Variants in CAMTA1 observed in about 807,000 individuals in gnomAD.
CAMTA1 encodes calmodulin binding transcription activator 1, also known as calmodulin-binding transcription activator 1.
CAMTA1 carries 27 observed loss-of-function variants against 170.9 expected under a neutral mutation model. The ratio of observed to expected loss-of-function variants is 0.16; its 90% CI spans 0.12 to 0.22. CAMTA1 has a LOEUF of 0.22. Ranked by LOEUF, CAMTA1 falls within the 10% of genes least tolerant of loss-of-function variation. The pLI is 1.00. For synonymous variants in CAMTA1, 833 were observed against 891.5 expected, an observed-to-expected ratio of 0.93 and a Z score of 1.17; for missense variants, 1,619 against 2,217.2, an observed-to-expected ratio of 0.73 and a Z score of 5.42.
intron 1 of CAMTA1, among the ~76,000 whole-genome samples, chr1:6,786,523 C>T (rs1366766568): frequency 6.6e-6 from 1 of 152,208 alleles, no homozygotes; most frequent in Admixed American, 6.5e-5. Context: ...CAAGGGGACT[C>T]AGGCTGCCCA....
At chr1:6,977,070 T>C (rs1693568323) in intron 3 of CAMTA1, among the ~76,000 whole-genome samples, 1 of 152,214 alleles carries the variant, frequency 6.6e-6, no homozygotes, top group African/African-American at 2.4e-5. Flanking sequence ...CCTTTATAAA[T>C]TATCCAGTCT....
intron 3 of CAMTA1, among the ~76,000 whole-genome samples, chr1:7,070,010 G>C (rs1299342942): frequency 6.6e-6 from 1 of 152,186 alleles, no homozygotes; most frequent in Non-Finnish European, 1.5e-5. Flanking sequence ...ACGTCCTCTC[G>C]CCCTCCTCCG....
intron 3 of CAMTA1, among the ~76,000 whole-genome samples, chr1:7,081,331 T>C (rs763903330): frequency 9.2e-5 from 14 of 152,228 alleles, no homozygotes; most frequent in Non-Finnish European, 1.8e-4. Flanking sequence ...CATTCTGCTA[T>C]GCCAGCAAAG....
At chr1:7,011,864 C>T (rs1257447438) in intron 3 of CAMTA1, among the ~76,000 whole-genome samples, 1 of 152,138 alleles carries the variant, frequency 6.6e-6, no homozygotes, top group Admixed American at 6.5e-5. Context: ...GTTCCGATAC[C>T]TCCAAATTCC....
At chr1:6,993,811 T>C (rs950465943) in intron 3 of CAMTA1, among the ~76,000 whole-genome samples, 1 of 152,170 alleles carries the variant, frequency 6.6e-6, no homozygotes, top group African/African-American at 2.4e-5. Context: ...CAATCTCTGT[T>C]TTTAAACTGG....
At chr1:7,217,342 C>G (rs1659931755) in intron 4 of CAMTA1, among the ~76,000 whole-genome samples, 1 of 152,288 alleles carries the variant, frequency 6.6e-6, no homozygotes, top group Admixed American at 6.5e-5. Flanking sequence ...CCAGTTGAAC[C>G]TCTTTCCTTT....
chr1:7,668,018 A>G (rs1046386938), intron 9 of CAMTA1, among the ~76,000 whole-genome samples: 1 of 152,136 alleles, frequency 6.6e-6, no homozygotes, highest in South Asian at 2.1e-4. Flanking sequence ...TGGGTTCTAC[A>G]GGAGAGAGCA....
At chr1:6,937,081 T>G (rs978541813) in intron 3 of CAMTA1, among the ~76,000 whole-genome samples, 1 of 151,562 alleles carries the variant, frequency 6.6e-6, no homozygotes, top group African/African-American at 2.4e-5. Context: ...CCATCACTTA[T>G]CACCATCACC....
Position 7,475,315 on chromosome 1 carries a change from C to T in CAMTA1, c.510+7414C>T, listed in dbSNP as rs374555438. 5.9e-5 allele frequency among the ~76,000 whole-genome samples: 9 copies of T among 152,272 alleles called. No homozygotes were observed. In the East Asian group the frequency reaches 9.7e-4, roughly 16 times the overall value. ...CATCTATCGCTGGGGCAGGGCTCCA[C>T]GGCTCCCACCAAATGAGGCTTGGCG... On this transcript the variant is annotated intron_variant, in intron 6 of 22. Transcript: ENST00000303635.
chr1:7,378,921 T>C (rs1478184190), intron 5 of CAMTA1, among the ~76,000 whole-genome samples: 1 of 152,082 alleles, frequency 6.6e-6, no homozygotes, highest in African/African-American at 2.4e-5. Flanking sequence ...TTAGCTCATA[T>C]CTTGCACCGG....
intron 6 of CAMTA1, among the ~76,000 whole-genome samples, chr1:7,629,425 G>A (rs576346637): frequency 6.6e-6 from 1 of 152,312 alleles, no homozygotes; most frequent in African/African-American, 2.4e-5. Flanking sequence ...TTTAGAAAAA[G>A]CTCTTTATAT....
At chr1:7,549,877 G>T (rs966127201) in intron 6 of CAMTA1, among the ~76,000 whole-genome samples, 2 of 152,048 alleles carry the variant, frequency 1.3e-5, no homozygotes, top group Non-Finnish European at 2.9e-5. Flanking sequence ...GCCCAGGCTT[G>T]GCCCTGGGGG....
chr1:7,533,933 A>G (rs1341128436), intron 6 of CAMTA1, among the ~76,000 whole-genome samples: 1 of 152,016 alleles, frequency 6.6e-6, no homozygotes, highest in African/African-American at 2.4e-5. Flanking sequence ...AAATGAAAAG[A>G]AAAAAAGAAA....
chr1:6,945,063 G>A (rs1024223423), intron 3 of CAMTA1, among the ~76,000 whole-genome samples: 8 of 152,098 alleles, frequency 5.3e-5, no homozygotes, highest in Non-Finnish European at 1.0e-4. Context: ...ACTCTGAGAG[G>A]GCAGGGATCT....
intron 11 of CAMTA1, among the ~76,000 whole-genome samples, chr1:7,701,768 A>T (rs17031436): frequency 6.6e-6 from 1 of 152,134 alleles, no homozygotes. Context: ...GGTACTGCCA[A>T]TGGACTCATA....
intron 3 of CAMTA1, among the ~76,000 whole-genome samples, chr1:6,946,525 G>C (rs1687605391): frequency 6.6e-6 from 1 of 151,974 alleles, no homozygotes; most frequent in Non-Finnish European, 1.5e-5. Context: ...CATCCTACTG[G>C]GTATGAGGTG....
At chr1:7,235,361 C>T (rs573805025) in intron 4 of CAMTA1, among the ~76,000 whole-genome samples, 2 of 152,182 alleles carry the variant, frequency 1.3e-5, no homozygotes, top group Non-Finnish European at 2.9e-5. Context: ...GCGCATGGCT[C>T]ACCCCTGTAA....
intron 6 of CAMTA1, among the ~76,000 whole-genome samples, chr1:7,490,700 G>A (rs2093690627): frequency 6.6e-6 from 1 of 151,966 alleles, no homozygotes; most frequent in Non-Finnish European, 1.5e-5. Context: ...AGTGGCCAGT[G>A]TGACCTGAGG....
At chr1:7,284,178 T>TTCC (rs1279292798) in intron 5 of CAMTA1, among the ~76,000 whole-genome samples, 13 of 69,144 alleles carry the variant, frequency 1.9e-4, no homozygotes, top group Non-Finnish European at 1.8e-4. Context: ...CTTCTTCTTC[T>TTCC]TATTATTATT....
Sources: allele counts gnomAD v4.1 joint callset (sites outside exome capture counted in the v4.1 genomes callset), GRCh38; gene constraint gnomAD v4.1.1; transcripts MANE v1.5; gene names NCBI Gene and HGNC (gene_info 2026-07-23, HGNC 2026-07-21).